SIRPG: variants seen among roughly 807,000 people sequenced by gnomAD.
The protein encoded by SIRPG is signal regulatory protein gamma.
SIRPG carries 38 observed loss-of-function variants against 35.7 expected under a neutral mutation model. The observed-to-expected ratio is 1.06, with a 90% CI of 0.82 to 1.40. The LOEUF is 1.40. SIRPG is among the 40% of genes most tolerant of loss of function. SIRPG has a pLI of 0.00. For missense variants in SIRPG, 519 were observed against 483.0 expected (o/e 1.07, Z -0.70); for synonymous variants, 215 against 190.4 (o/e 1.13, Z -1.06).
At chr20:1,668,199 T>TTTTCTTTTC in the SIRPG span, among the ~76,000 whole-genome samples, 134 of 67,436 alleles carry the variant, frequency 2.0e-3, 2 homozygotes, top group African/African-American at 5.9e-3. Context: ...TTTTCTTTTC[T>TTTTCTTTTC]TTTCTTTCTT....
chr20:1,648,911 C>G, intron 2 of SIRPG, 141 bp downstream of exon 2: 1 of 785,082 alleles, frequency 1.3e-6, no homozygotes, highest in Non-Finnish European at 2.1e-6. Flanking sequence ...TTCAACTCAC[C>G]TGATCTGTAG....
At chr20:1,663,702 T>C in the SIRPG span, among the ~76,000 whole-genome samples, 1 of 152,234 alleles carries the variant, frequency 6.6e-6, no homozygotes, top group Admixed American at 6.5e-5. Context: ...ATGTTGCGTG[T>C]AAATGAAAAA....
the SIRPG span, among the ~76,000 whole-genome samples, chr20:1,678,499 G>A: frequency 6.6e-6 from 1 of 152,054 alleles, no homozygotes; most frequent in Non-Finnish European, 1.5e-5. Context: ...CAAGAAACTG[G>A]AAGATGAAAT....
At chr20:1,663,042 G>A in the SIRPG span, among the ~76,000 whole-genome samples, 5 of 151,876 alleles carry the variant, frequency 3.3e-5, no homozygotes, top group African/African-American at 4.8e-5. Flanking sequence ...GGCCCGGCGC[G>A]GTAGCTCACG....
At chr20:1,638,484 A>T (rs1018809741) in intron 2 of SIRPG, 1 of 152,186 alleles carries the variant, frequency 6.6e-6, no homozygotes, top group African/African-American at 2.4e-5. Context: ...GAAAAACTCA[A>T]ATGATAATAA....
chr20:1,657,885 A>G (rs1468958959), upstream of SIRPG: 10 of 584,952 alleles, frequency 1.7e-5, no homozygotes, highest in South Asian at 2.5e-5. Flanking sequence ...CAGGCACAGT[A>G]GGCAGCTACA....
At chr20:1,671,275 A>G in the SIRPG span, 2 of 178,268 alleles carry the variant, frequency 1.1e-5, no homozygotes, top group South Asian at 1.2e-4. Flanking sequence ...CATGTTAAGA[A>G]CCTTCATGGA....
Position 1,635,932 on chromosome 20 carries a change from G to A in SIRPG, c.748+256C>T, listed in dbSNP as rs377534692. ...CACATAGGGACTTGGCTCATAGTAGGTACTCACTAATAGTAGTTGTTCTTG... is the reference window on the plus strand; with the variant it reads ...CACATAGGGACTTGGCTCATAGTAGATACTCACTAATAGTAGTTGTTCTTG... On this transcript the variant is annotated intron_variant, in intron 3 of 5. Transcript: ENST00000303415. 4.6e-5 allele frequency among the ~76,000 whole-genome samples: 7 copies of A among 152,254 alleles called. No individual in the cohort carries two copies. The East Asian group carries it at 1.4e-3, about 29-fold the overall frequency.
chr20:1,648,983 G>T (rs976930981), intron 2 of SIRPG, 69 bp downstream of exon 2: 6 of 1,347,246 alleles, frequency 4.5e-6, no homozygotes, highest in Non-Finnish European at 6.3e-6. Flanking sequence ...GTTGCTCAAA[G>T]AATGGAAGGT....
intron 5 of SIRPG, among the ~76,000 whole-genome samples, 185 bp downstream of exon 5, chr20:1,630,037 T>A (rs1229484352): frequency 6.6e-6 from 1 of 152,164 alleles, no homozygotes; most frequent in Non-Finnish European, 1.5e-5. Context: ...GCATCCCACA[T>A]TGTACACCAC....
At chr20:1,669,278 T>C in the SIRPG span, among the ~76,000 whole-genome samples, 1 of 152,256 alleles carries the variant, frequency 6.6e-6, no homozygotes, top group Admixed American at 6.5e-5. Context: ...ACATCTCTCA[T>C]TGTTCCTCAA....
chr20:1,654,219 C>T (rs1013177275), intron 1 of SIRPG, among the ~76,000 whole-genome samples: 1 of 144,330 alleles, frequency 6.9e-6, no homozygotes, highest in Non-Finnish European at 1.5e-5. Flanking sequence ...AGACTGGCGA[C>T]AGAGCAAGAC....
At chr20:1,659,981 A>C (rs2091991953), upstream of SIRPG, among the ~76,000 whole-genome samples, 1 of 152,242 alleles carries the variant, frequency 6.6e-6, no homozygotes, top group African/African-American at 2.4e-5. Flanking sequence ...TAACTCAAAA[A>C]CAAATAGCAA....
chr20:1,669,640 A>G, the SIRPG span, among the ~76,000 whole-genome samples: 3 of 152,314 alleles, frequency 2.0e-5, no homozygotes, highest in East Asian at 3.9e-4. Flanking sequence ...ATAAGTAAAC[A>G]TCTGAGACAG....
chr20:1,676,077 G>A, the SIRPG span, among the ~76,000 whole-genome samples: 1 of 152,142 alleles, frequency 6.6e-6, no homozygotes, highest in Non-Finnish European at 1.5e-5. Context: ...GGTCACACCT[G>A]AGCCACTTAC....
chr20:1,675,192 A>G, the SIRPG span, among the ~76,000 whole-genome samples: 1 of 152,072 alleles, frequency 6.6e-6, no homozygotes, highest in Non-Finnish European at 1.5e-5. Flanking sequence ...GAAATACCTC[A>G]TCTCCTCATC....
At chr20:1,657,785 C>T, upstream of SIRPG, 1 of 1,416,098 alleles carries the variant, frequency 7.1e-7, no homozygotes, top group East Asian at 2.3e-5. Context: ...GCTCTGAAGA[C>T]AGAAGACAAG....
chr20:1,655,643 C>T (rs1457240846), intron 1 of SIRPG, among the ~76,000 whole-genome samples: 2 of 152,002 alleles, frequency 1.3e-5, no homozygotes, highest in East Asian at 1.9e-4. Flanking sequence ...GAATTGTATT[C>T]TTGAAAACTG....
the SIRPG span, among the ~76,000 whole-genome samples, chr20:1,675,427 C>A: frequency 2.0e-5 from 3 of 152,210 alleles, no homozygotes; most frequent in East Asian, 3.8e-4. Flanking sequence ...GCCCCTCCTA[C>A]CCCTACAGGA....
Sources: gnomAD v4.1 joint callset for allele counts (sites outside exome capture counted in the v4.1 genomes callset) on GRCh38, gnomAD v4.1.1 for gene constraint, MANE v1.5 for transcripts, NCBI Gene and HGNC (gene_info 2026-07-23, HGNC 2026-07-21) for gene names.